Variants in PNKD observed in about 807,000 individuals in gnomAD.
PNKD encodes probable thioesterase PNKD.
A neutral mutation model predicts 45.3 loss-of-function variants in PNKD; 36 were observed. The ratio of observed to expected loss-of-function variants is 0.80; its 90% CI spans 0.61 to 1.05. The LOEUF is 1.05. Ranked by LOEUF, PNKD falls within the 50% of genes least tolerant of loss-of-function variation. PNKD has a pLI of 0.00. For synonymous variants in PNKD, 197 were observed against 210.1 expected, an observed-to-expected ratio of 0.94 and a Z score of 0.54; for missense variants, 511 against 506.6, an observed-to-expected ratio of 1.01 and a Z score of -0.08.
At position 218,340,856 on chromosome 2, in the gene PNKD, G is replaced by C; in HGVS notation, c.524+70G>C. On this transcript the variant is annotated intron_variant, in intron 5 of 9. Coordinates refer to ENST00000273077, the MANE Select transcript of PNKD (RefSeq NM_015488.5). The surrounding 1 kb of genome is among the most constrained non-coding windows in gnomAD (Gnocchi z 4.2). Reference sequence around the variant, plus strand: ...GCTTGCCAGGACTGGGCCCATTGAGGACGGCCGGGGCCAGAGATCAAGAAG... The same window carrying C: ...GCTTGCCAGGACTGGGCCCATTGAGCACGGCCGGGGCCAGAGATCAAGAAG... 1 of 1,295,642 alleles carries C rather than the reference G, an allele frequency of 7.7e-7. No individual in the cohort carries two copies. The highest frequency in any genetic ancestry group is 1.1e-6 in the Non-Finnish European group (1 of 889,574). The allele number at this position is 1,295,642 out of a possible 1,614,324, so 80.3% of individuals were successfully genotyped here.
At chr2:218,279,961 A>T in intron 2 of PNKD, 2 of 1,209,552 alleles carry the variant, frequency 1.7e-6, no homozygotes, top group Non-Finnish European at 2.5e-6. Flanking sequence ...ACTGTGGCCT[A>T]CCCACTTCCC....
chr2:218,275,720 G>C, intron 2 of PNKD: 3 of 1,420,004 alleles, frequency 2.1e-6, no homozygotes, highest in Non-Finnish European at 2.9e-6. Context: ...GCGCCACACA[G>C]TGCTTAGGGC....
intron 2 of PNKD, among the ~76,000 whole-genome samples, chr2:218,324,115 C>T (rs1473901): frequency 0.47 from 71,661 of 152,136 alleles, 19,922 homozygotes; most frequent in South Asian, 0.63. Flanking sequence ...GCCCTCCTGC[C>T]TCCCTCTACC....
chr2:218,303,095 A>G, intron 2 of PNKD, among the ~76,000 whole-genome samples: 1 of 152,122 alleles, frequency 6.6e-6, no homozygotes, highest in Non-Finnish European at 1.5e-5. Flanking sequence ...GCCCACCACC[A>G]TGCCCAGCTA....
At chr2:218,288,138 T>G (rs1042321860) in intron 2 of PNKD, among the ~76,000 whole-genome samples, 3 of 152,060 alleles carry the variant, frequency 2.0e-5, no homozygotes, top group African/African-American at 7.2e-5. Context: ...AAAAAAGAAC[T>G]AGGGAAGGGG....
chr2:218,285,719 C>T (rs532016185), intron 2 of PNKD: 6 of 152,696 alleles, frequency 3.9e-5, no homozygotes, highest in African/African-American at 1.4e-4. Context: ...GAAACCCCAG[C>T]ATTAACGCTA....
intron 2 of PNKD, chr2:218,279,944 T>C: frequency 1.0e-6 from 1 of 999,830 alleles, no homozygotes; most frequent in Non-Finnish European, 1.6e-6. Context: ...ATTGATGCCC[T>C]GGGGCTACTG....
Position 218,274,586 on chromosome 2 carries a change from C to G in PNKD, c.236+3037C>G, listed in dbSNP as rs868124955. 5.1e-5 allele frequency: 8 copies of G among 155,344 alleles called. 1 individual carries two copies. The Middle Eastern group carries it at 3.1e-3, about 60-fold the overall frequency. The allele number at this position is 155,344 out of a possible 1,614,324, so 9.6% of individuals were successfully genotyped here. On this transcript the variant is annotated intron_variant, in intron 2 of 9. Coordinates refer to ENST00000273077, the MANE Select transcript of PNKD (RefSeq NM_015488.5). The stretch of plus-strand genomic sequence containing the variant: ...CCCCCAGGCATTCTCCCTGCCCGCA[C>G]CGAGTCTCTCTTCACCCTGGCTACT...
Position 218,297,706 on chromosome 2 carries a change from A to AAAAAC in PNKD, c.236+26158_236+26159insAAACA, listed in dbSNP as rs779518751. On this transcript the variant is annotated intron_variant, in intron 2 of 9. Coordinates refer to ENST00000273077, the MANE Select transcript of PNKD (RefSeq NM_015488.5). ...TCTCAAAAAAAAAAAAAAAAAAAAA[A>AAAAAC]AGAGAGAAGAAAAGAAATCACAGTG... Among the ~76,000 whole-genome samples, 7 of 117,198 alleles carry AAAAAC rather than the reference A, an allele frequency of 6.0e-5. 1 individual carries two copies. The highest frequency in any genetic ancestry group is 1.8e-4 in the Admixed American group (2 of 11,146). 76.9% of individuals were successfully genotyped at this position (117,198 alleles called of 152,430 possible).
chr2:218,335,156 AAAAT>A (rs201225515), intron 2 of PNKD, among the ~76,000 whole-genome samples: 9 of 151,218 alleles, frequency 6.0e-5, no homozygotes, highest in East Asian at 3.9e-4. Context: ...ATCTCTTTAA[AAAAT>A]AAATAAATAA....
At chr2:218,323,194 C>G in intron 2 of PNKD, 3 of 1,388,280 alleles carry the variant, frequency 2.2e-6, no homozygotes, top group Non-Finnish European at 2.8e-6. Flanking sequence ...GGCAGGTTCC[C>G]CGCGGGGGGC....
intron 2 of PNKD, chr2:218,272,507 C>T: frequency 5.3e-6 from 8 of 1,517,952 alleles, no homozygotes; most frequent in Non-Finnish European, 7.3e-6. Context: ...AATGACTCCC[C>T]CCAGCTCCTC....
chr2:218,302,785 G>A (rs958237880), intron 2 of PNKD, among the ~76,000 whole-genome samples: 1 of 152,186 alleles, frequency 6.6e-6, no homozygotes, highest in South Asian at 2.1e-4. Context: ...CTGAGAACAC[G>A]TGGCCCAAGG....
rs1694644931 is a variant in PNKD, at chr2:218,340,677, A to G, written c.466-51A>G. On this transcript the variant is annotated intron_variant, in intron 4 of 9. Transcript: ENST00000273077. This position sits in a 1 kb window ranked among gnomAD's most constrained non-coding sequence, Gnocchi z 4.2. ...CACACTCCTGGCTCTTGCTGCTTCA[A>G]GTGCCTCTTGCATCCTGCTCCCCAG... 1.4e-6 allele frequency: 2 copies of G among 1,390,722 alleles called. No homozygotes were observed. Among genetic ancestry groups the G allele is most frequent in the Non-Finnish European group, 2.0e-6 (2 of 976,494 alleles). 86.1% of individuals were successfully genotyped at this position (1,390,722 alleles called of 1,614,324 possible).
intron 2 of PNKD, chr2:218,334,730 A>G (rs1305287085): frequency 4.3e-6 from 3 of 702,956 alleles, no homozygotes; most frequent in Admixed American, 4.0e-5. Context: ...TCATACCAAG[A>G]GGCAAATGAT....
intron 2 of PNKD, among the ~76,000 whole-genome samples, chr2:218,305,241 G>C (rs553449018): frequency 1.6e-4 from 24 of 152,204 alleles, no homozygotes; most frequent in South Asian, 8.3e-4. Flanking sequence ...TTATCACACT[G>C]CATGCATCAA....
intron 2 of PNKD, chr2:218,280,366 G>A (rs1211013479): frequency 4.3e-6 from 2 of 459,862 alleles, no homozygotes; most frequent in African/African-American, 4.0e-5. Flanking sequence ...GCTCCTGTGT[G>A]CCCAGCCCAC....
chr2:218,327,495 G>C (rs1379033332), intron 2 of PNKD, among the ~76,000 whole-genome samples: 1 of 152,082 alleles, frequency 6.6e-6, no homozygotes, highest in East Asian at 1.9e-4. Flanking sequence ...ACTGTGGCCA[G>C]AGCACCCACA....
At chr2:218,324,914 C>T (rs956827584) in intron 2 of PNKD, among the ~76,000 whole-genome samples, 3 of 144,832 alleles carry the variant, frequency 2.1e-5, no homozygotes, top group Non-Finnish European at 4.5e-5. Flanking sequence ...CCAGCCTGGG[C>T]GACAGAGTGA....
Sources: allele counts gnomAD v4.1 joint callset (sites outside exome capture counted in the v4.1 genomes callset), GRCh38; gene constraint gnomAD v4.1.1; non-coding constraint Gnocchi (gnomAD v3.1); transcripts MANE v1.5; gene names NCBI Gene and HGNC (gene_info 2026-07-23, HGNC 2026-07-21).